SEMA3A: variants seen among roughly 807,000 people sequenced by gnomAD.
SEMA3A encodes semaphorin-3A.
In SEMA3A, 29 loss-of-function variants were observed where a neutral mutation model predicts 97.9. That is an observed-to-expected ratio of 0.30 (90% CI 0.22 to 0.40). The LOEUF (loss-of-function observed/expected upper bound fraction) is 0.40. SEMA3A is among the 10% of genes least tolerant of loss of function. The probability of loss-of-function intolerance (pLI) is 1.00; values close to 1 mark genes in which losing one functional copy is unlikely to be tolerated. For synonymous variants in SEMA3A, 321 were observed against 323.7 expected (o/e 0.99, Z 0.09); for missense variants, 763 against 951.3 (o/e 0.80, Z 2.60).
intron 1 of SEMA3A, among the ~76,000 whole-genome samples, chr7:84,435,609 C>T (rs962036947): frequency 6.6e-6 from 1 of 151,892 alleles, no homozygotes; most frequent in Non-Finnish European, 1.5e-5. Flanking sequence ...TCTGTCAAAA[C>T]AAACAAACAA....
chr7:84,433,630 C>T (rs1805046182), intron 1 of SEMA3A, among the ~76,000 whole-genome samples: 1 of 152,078 alleles, frequency 6.6e-6, no homozygotes, highest in Admixed American at 6.6e-5. Context: ...ATTTCTAGTT[C>T]TAGATCCTTG....
At chr7:84,119,442 A>C (rs1795535726) in intron 3 of SEMA3A, among the ~76,000 whole-genome samples, 1 of 152,214 alleles carries the variant, frequency 6.6e-6, no homozygotes. Flanking sequence ...TCCAAAAGTA[A>C]GTAGACGTAT....
chr7:83,981,290 A>G (rs760607396), intron 14 of SEMA3A, 31 bp downstream of exon 14: 2 of 1,607,864 alleles, frequency 1.2e-6, no homozygotes, highest in East Asian at 4.5e-5. Flanking sequence ...TAACTAGCAA[A>G]CATTTCATTT....
chr7:84,169,000 G>T (rs541751082), intron 1 of SEMA3A, among the ~76,000 whole-genome samples: 1 of 151,720 alleles, frequency 6.6e-6, no homozygotes, highest in African/African-American at 2.4e-5. Context: ...AAAAAATGTT[G>T]AGGCTAATAT....
intron 2 of SEMA3A, among the ~76,000 whole-genome samples, chr7:84,354,653 CT>C (rs1802514007): frequency 6.6e-6 from 1 of 151,412 alleles, no homozygotes; most frequent in Non-Finnish European, 1.5e-5. Context: ...ATTTTTCTGC[CT>C]TTGGGGTGGA....
chr7:84,324,707 C>T (rs1160194275), intron 2 of SEMA3A, among the ~76,000 whole-genome samples: 1 of 151,984 alleles, frequency 6.6e-6, no homozygotes, highest in Non-Finnish European at 1.5e-5. Flanking sequence ...TTATGAAGCA[C>T]ATGGTCTTAA....
rs200311932 is a variant in SEMA3A at position 84,406,639 on chromosome 7, G to A, written c.-245-34739C>T. On this transcript the variant is annotated intron_variant, in intron 1 of 3. Coordinates refer to the SEMA3A transcript ENST00000424555. ...ACCAATATCCTTGATGAACATTGAT[G>A]CAAAAATCCTCAATAAAATACTGGC... Among the ~76,000 whole-genome samples the A allele has an allele frequency of 0.014, 2,097 of 152,230 alleles. 76 individuals are homozygous for A. The East Asian group carries it at 0.16, about 11-fold the overall frequency.
chr7:84,415,836 G>T (rs1446509173), intron 1 of SEMA3A, among the ~76,000 whole-genome samples: 1 of 139,310 alleles, frequency 7.2e-6, no homozygotes, highest in Non-Finnish European at 1.6e-5. Context: ...CAGCGTTTTT[G>T]TATTTTTTTT....
At chr7:84,192,542 T>C (rs1798080736) in intron 1 of SEMA3A, among the ~76,000 whole-genome samples, 2 of 151,876 alleles carry the variant, frequency 1.3e-5, no homozygotes, top group African/African-American at 2.4e-5. Context: ...ATATCAAATA[T>C]ATACACCTTG....
At chr7:84,421,427 A>C (rs1254979361) in intron 1 of SEMA3A, among the ~76,000 whole-genome samples, 1 of 152,088 alleles carries the variant, frequency 6.6e-6, no homozygotes, top group Non-Finnish European at 1.5e-5. Context: ...GAAGAGATAC[A>C]AGAAAATATA....
rs76493550 is a variant in SEMA3A at position 84,137,749 on chromosome 7, A to G, written c.113-2798T>C. Among the ~76,000 whole-genome samples the G allele has an allele frequency of 1.3e-3, 202 of 151,628 alleles. 1 individual carries two copies. In the East Asian group the frequency reaches 0.017, roughly 13 times the overall value. ...TAAACCAAAAAAATTACATAGAGAT[A>G]TTAAGCAATGAAAGGGCCATGTAAG... On this transcript the variant is annotated intron_variant, in intron 1 of 16. Transcript: ENST00000265362.
chr7:84,107,760 CA>C (rs1475444996), intron 4 of SEMA3A, among the ~76,000 whole-genome samples: 8 of 152,098 alleles, frequency 5.3e-5, no homozygotes, highest in African/African-American at 1.7e-4. Flanking sequence ...ATTAAAATCT[CA>C]ACTTCAAAAA....
chr7:84,353,493 G>C (rs1162792829), intron 2 of SEMA3A, among the ~76,000 whole-genome samples: 1 of 151,672 alleles, frequency 6.6e-6, no homozygotes, highest in Non-Finnish European at 1.5e-5. Context: ...AAGGGACTCT[G>C]CTCTATGAAA....
At chr7:84,110,302 C>T (rs1171508795) in intron 4 of SEMA3A, among the ~76,000 whole-genome samples, 168 bp downstream of exon 4, 2 of 152,132 alleles carry the variant, frequency 1.3e-5, no homozygotes, top group African/African-American at 4.8e-5. Context: ...GAGTAATGTT[C>T]TCATTCTTTT....
chr7:84,022,920 C>CA (rs777349991), intron 6 of SEMA3A, among the ~76,000 whole-genome samples: 1 of 152,206 alleles, frequency 6.6e-6, no homozygotes, highest in Non-Finnish European at 1.5e-5. Flanking sequence ...TGGGCCAATG[C>CA]TATCATGTGA....
At chr7:84,289,143 C>T (rs1308511007) in intron 3 of SEMA3A, among the ~76,000 whole-genome samples, 4 of 152,076 alleles carry the variant, frequency 2.6e-5, no homozygotes, top group Middle Eastern at 6.8e-3. Flanking sequence ...CATTTTCACT[C>T]GTATGTGGGA....
At chr7:84,309,044 C>G (rs1404853117) in intron 2 of SEMA3A, among the ~76,000 whole-genome samples, 1 of 152,020 alleles carries the variant, frequency 6.6e-6, no homozygotes, top group Non-Finnish European at 1.5e-5. Context: ...TCTTGAACTC[C>G]TAACCTCAGG....
chr7:84,352,797 G>A (rs1303040003), intron 2 of SEMA3A, among the ~76,000 whole-genome samples: 1 of 151,818 alleles, frequency 6.6e-6, no homozygotes, highest in Non-Finnish European at 1.5e-5. Flanking sequence ...CAGAAAGTAA[G>A]TAGATTGGAG....
At chr7:84,165,053 C>CA (rs1457642711) in intron 1 of SEMA3A, among the ~76,000 whole-genome samples, 4 of 151,930 alleles carry the variant, frequency 2.6e-5, no homozygotes, top group African/African-American at 9.7e-5. Context: ...ACAAAAAATA[C>CA]AAAAATTAGC....
Sources: gnomAD v4.1 joint callset for allele counts (sites outside exome capture counted in the v4.1 genomes callset) on GRCh38, gnomAD v4.1.1 for gene constraint, MANE v1.5 for transcripts, NCBI Gene and HGNC (gene_info 2026-07-23, HGNC 2026-07-21) for gene names.